The following LRRC4C variants were observed in gnomAD, a reference collection of about 807,000 sequenced individuals.
The protein encoded by LRRC4C is leucine-rich repeat-containing protein 4C.
In LRRC4C, 5 loss-of-function variants were observed where a neutral mutation model predicts 33.6. The observed-to-expected ratio is 0.15, with a 90% confidence interval of 0.08 to 0.31. The LOEUF is 0.31. LRRC4C is among the 10% of genes least tolerant of loss of function. The probability of loss-of-function intolerance (pLI) is 1.00; values close to 1 mark genes in which losing one functional copy is unlikely to be tolerated. For synonymous variants in LRRC4C, 329 were observed against 302.0 expected (o/e 1.09, Z -0.93); for missense variants, 560 against 796.7 (o/e 0.70, Z 3.58).
At chr11:40,329,920 T>A (rs192726801) in intron 3 of LRRC4C, among the ~76,000 whole-genome samples, 1 of 152,078 alleles carries the variant, frequency 6.6e-6, no homozygotes, top group East Asian at 1.9e-4. Context: ...TTTTTGTATT[T>A]TTGGTAGAGA....
At chr11:41,343,284 C>T (rs1354278738) in intron 1 of LRRC4C, among the ~76,000 whole-genome samples, 3 of 152,148 alleles carry the variant, frequency 2.0e-5, no homozygotes, top group African/African-American at 7.2e-5. Context: ...AACATCTCTG[C>T]ATCAAGTTAC....
At chr11:40,219,742 G>C (rs997134386) in intron 5 of LRRC4C, among the ~76,000 whole-genome samples, 1 of 151,576 alleles carries the variant, frequency 6.6e-6, no homozygotes, top group African/African-American at 2.4e-5. Flanking sequence ...GGAAGAAATT[G>C]GGGGGGTGGA....
At chr11:40,723,016 A>G (rs1447160677) in intron 2 of LRRC4C, among the ~76,000 whole-genome samples, 1 of 152,186 alleles carries the variant, frequency 6.6e-6, no homozygotes, top group Non-Finnish European at 1.5e-5. Context: ...GAGCTTAAAG[A>G]ATAGTCCTTC....
At chr11:40,938,208 T>C (rs530241651) in intron 1 of LRRC4C, among the ~76,000 whole-genome samples, 2 of 152,256 alleles carry the variant, frequency 1.3e-5, no homozygotes, top group East Asian at 1.9e-4. Context: ...TGACAGTTCC[T>C]TTCCTCCTGA....
At chr11:40,471,512 A>T (rs1377207432) in intron 3 of LRRC4C, among the ~76,000 whole-genome samples, 2 of 152,178 alleles carry the variant, frequency 1.3e-5, no homozygotes, top group Non-Finnish European at 2.9e-5. Context: ...CATCATAATG[A>T]CAGGATCAAA....
At chr11:40,449,438 C>A (rs1006110116) in intron 3 of LRRC4C, among the ~76,000 whole-genome samples, 30 of 151,684 alleles carry the variant, frequency 2.0e-4, no homozygotes, top group African/African-American at 7.3e-4. Context: ...CAGAAATAAA[C>A]AGTGAAATCT....
intron 3 of LRRC4C, among the ~76,000 whole-genome samples, chr11:40,403,565 A>G (rs1229083514): frequency 6.6e-6 from 1 of 152,130 alleles, no homozygotes; most frequent in African/African-American, 2.4e-5. Flanking sequence ...TGGTCTATGA[A>G]AATTGGACAA....
At chr11:40,795,250 T>C (rs879863804) in intron 2 of LRRC4C, among the ~76,000 whole-genome samples, 4 of 152,138 alleles carry the variant, frequency 2.6e-5, no homozygotes, top group African/African-American at 4.8e-5. Flanking sequence ...AAGGAAAGAC[T>C]GGGCGCGGTG....
At chr11:40,530,713 A>G (rs1311755162) in intron 3 of LRRC4C, among the ~76,000 whole-genome samples, 1 of 152,184 alleles carries the variant, frequency 6.6e-6, no homozygotes. Context: ...CACAGCCATG[A>G]ATGAGATAAG....
At chr11:41,412,496 A>T (rs1954527788) in intron 1 of LRRC4C, among the ~76,000 whole-genome samples, 1 of 152,206 alleles carries the variant, frequency 6.6e-6, no homozygotes. Flanking sequence ...ACACTATTTT[A>T]TTAGAATTAT....
At chr11:40,313,551 C>T (rs1002074507) in intron 4 of LRRC4C, among the ~76,000 whole-genome samples, 3 of 149,736 alleles carry the variant, frequency 2.0e-5, no homozygotes, top group African/African-American at 7.4e-5. Flanking sequence ...AAATGTAAGA[C>T]CCAAAACTAT....
At chr11:41,273,574 A>T (rs897788671) in intron 1 of LRRC4C, among the ~76,000 whole-genome samples, 1 of 152,222 alleles carries the variant, frequency 6.6e-6, no homozygotes, top group Non-Finnish European at 1.5e-5. Flanking sequence ...AAAGAATGGT[A>T]ATTTCCAGAG....
At chr11:41,374,480 C>A (rs1017178529) in intron 1 of LRRC4C, among the ~76,000 whole-genome samples, 1 of 151,820 alleles carries the variant, frequency 6.6e-6, no homozygotes, top group Admixed American at 6.6e-5. Flanking sequence ...TTAAATAATA[C>A]CAAGAAAAAA....
intron 1 of LRRC4C, among the ~76,000 whole-genome samples, chr11:41,248,551 T>C (rs1369796583): frequency 2.0e-5 from 3 of 152,332 alleles, no homozygotes; most frequent in East Asian, 1.9e-4. Flanking sequence ...TCCTTCTCAG[T>C]GGTCTTGGTT....
At chr11:40,328,627 A>C (rs1053731676) in intron 3 of LRRC4C, among the ~76,000 whole-genome samples, 1 of 152,238 alleles carries the variant, frequency 6.6e-6, no homozygotes, top group Admixed American at 6.5e-5. Context: ...GGTATTGTAC[A>C]TTTCCTGAGG....
At chr11:40,378,756 C>T (rs533148981) in intron 3 of LRRC4C, among the ~76,000 whole-genome samples, 1 of 152,180 alleles carries the variant, frequency 6.6e-6, no homozygotes, top group Non-Finnish European at 1.5e-5. Context: ...TGAAAGCACA[C>T]ACAAGTGAAG....
intron 3 of LRRC4C, among the ~76,000 whole-genome samples, chr11:40,601,361 A>G (rs552797640): frequency 6.6e-6 from 1 of 152,252 alleles, no homozygotes; most frequent in East Asian, 1.9e-4. Flanking sequence ...GCCTGCAGCT[A>G]TTTTTCCTTC....
At chr11:40,980,139 G>A (rs564865418) in intron 1 of LRRC4C, among the ~76,000 whole-genome samples, 46 of 152,058 alleles carry the variant, frequency 3.0e-4, no homozygotes, top group South Asian at 2.1e-4. Flanking sequence ...ATGCATTTTT[G>A]GACATATTCC....
chr11:40,767,860 C>A (rs962718279), intron 2 of LRRC4C, among the ~76,000 whole-genome samples: 13 of 151,718 alleles, frequency 8.6e-5, no homozygotes, highest in Non-Finnish European at 1.3e-4. Flanking sequence ...GTGCCTACAT[C>A]AACAAGGTAG....
Sources: gnomAD v4.1 joint callset for allele counts (sites outside exome capture counted in the v4.1 genomes callset) on GRCh38, gnomAD v4.1.1 for gene constraint, MANE v1.5 for transcripts, NCBI Gene and HGNC (gene_info 2026-07-23, HGNC 2026-07-21) for gene names.